The following DIAPH3 variants were observed in gnomAD, a reference collection of about 807,000 sequenced individuals.
DIAPH3 encodes protein diaphanous homolog 3.
In DIAPH3, 117 loss-of-function variants were observed where a neutral mutation model predicts 144.3. The ratio of observed to expected loss-of-function variants is 0.81; its 90% confidence interval spans 0.70 to 0.95. The LOEUF (loss-of-function observed/expected upper bound fraction) is 0.95, where lower values mean the gene tolerates loss of function less well. DIAPH3 is among the 40% of genes least tolerant of loss of function. The pLI is 0.00. For missense variants in DIAPH3, 1,421 were observed against 1,412.7 expected (o/e 1.01, Z -0.09); for synonymous variants, 519 against 488.9 (o/e 1.06, Z -0.81).
chr13:60,005,760 C>T (rs756932676), intron 9 of DIAPH3, among the ~76,000 whole-genome samples: 4 of 152,172 alleles, frequency 2.6e-5, no homozygotes, highest in Admixed American at 2.0e-4. Context: ...GGATTACAGG[C>T]ATGAGCCACC....
intron 27 of DIAPH3, among the ~76,000 whole-genome samples, chr13:59,760,185 G>C (rs1298332913): frequency 6.6e-6 from 1 of 152,142 alleles, no homozygotes; most frequent in Non-Finnish European, 1.5e-5. Context: ...ACTCTCATTT[G>C]AGAAGCTGCC....
intron 1 of DIAPH3, among the ~76,000 whole-genome samples, chr13:60,139,859 C>T (rs190104532): frequency 1.8e-3 from 274 of 152,242 alleles, no homozygotes; most frequent in Middle Eastern, 3.4e-3. Flanking sequence ...GATGCCTCTT[C>T]GTCTATTTCA....
At position 60,159,128 on chromosome 13, in the gene DIAPH3, G is replaced by A. The variant is rs538940834; in HGVS notation, c.180+4459C>T. On this transcript the variant is annotated intron_variant, in intron 1 of 27. Transcript: ENST00000400324. ...TCATCTGTACTCAAATTCCTACTAC[G>A]TGTACAATCAACAAAAATTCTCCAA... Among the ~76,000 whole-genome samples the A allele has an allele frequency of 6.6e-5, 10 of 152,024 alleles. No individual in the cohort carries two copies. The South Asian group carries it at 2.1e-3, about 32-fold the overall frequency.
chr13:60,017,275 T>C (rs2053715591), intron 5 of DIAPH3, among the ~76,000 whole-genome samples: 1 of 151,672 alleles, frequency 6.6e-6, no homozygotes, highest in Non-Finnish European at 1.5e-5. Context: ...TGGTGGTGCA[T>C]GCCTATAATC....
At chr13:60,073,170 G>A (rs948246014) in intron 4 of DIAPH3, among the ~76,000 whole-genome samples, 5 of 152,048 alleles carry the variant, frequency 3.3e-5, no homozygotes, top group South Asian at 2.1e-4. Context: ...TTAGCCGGGC[G>A]TGGTGGCAGG....
intron 25 of DIAPH3, 32 bp downstream of exon 25, chr13:59,810,756 A>G (rs757375065): frequency 2.5e-6 from 4 of 1,607,178 alleles, no homozygotes; most frequent in African/African-American, 2.7e-5. Context: ...TTAAGTATAC[A>G]TAGAATAAAT....
Position 59,723,859 on chromosome 13 carries a change from C to T in DIAPH3, c.3319+50330G>A, listed in dbSNP as rs531009810. Among the ~76,000 whole-genome samples, 13 of 150,748 alleles carry T rather than the reference C, an allele frequency of 8.6e-5. 1 individual carries two copies. The South Asian group carries it at 2.5e-3, about 29-fold the overall frequency. The stretch of plus-strand genomic sequence containing the variant: ...CGAACTCCTGACCTCGTGATCCGCC[C>T]GCCTCGGCCTCCCAAAGTGCTGGGA... On this transcript the variant is annotated intron_variant, in intron 27 of 27. Transcript: ENST00000400324.
At chr13:59,918,167 A>G (rs2047320835) in intron 18 of DIAPH3, among the ~76,000 whole-genome samples, 1 of 150,730 alleles carries the variant, frequency 6.6e-6, no homozygotes, top group South Asian at 2.1e-4. Flanking sequence ...AATGTTTTAC[A>G]TCACCCGTAT....
At chr13:59,716,412 T>C (rs1450078981) in intron 27 of DIAPH3, among the ~76,000 whole-genome samples, 1 of 152,166 alleles carries the variant, frequency 6.6e-6, no homozygotes, top group Admixed American at 6.5e-5. Flanking sequence ...CCTGATCTTG[T>C]GATCTGCCCG....
chr13:59,824,757 A>G (rs1193882852), intron 24 of DIAPH3, among the ~76,000 whole-genome samples: 1 of 152,194 alleles, frequency 6.6e-6, no homozygotes, highest in Non-Finnish European at 1.5e-5. Context: ...TTTGTGTGCA[A>G]TAATAATCTT....
chr13:59,934,811 T>A (rs966524843), intron 17 of DIAPH3, among the ~76,000 whole-genome samples: 17 of 152,106 alleles, frequency 1.1e-4, no homozygotes, highest in African/African-American at 4.1e-4. Context: ...CTCTGGGACA[T>A]GGAATTTGCA....
At chr13:59,749,139 G>A (rs899154878) in intron 27 of DIAPH3, among the ~76,000 whole-genome samples, 4 of 148,146 alleles carry the variant, frequency 2.7e-5, no homozygotes, top group Admixed American at 6.9e-5. Context: ...GCTTGTGCCC[G>A]GGAGGCAGAG....
At chr13:59,817,038 T>G in intron 24 of DIAPH3, among the ~76,000 whole-genome samples, 1 of 151,986 alleles carries the variant, frequency 6.6e-6, no homozygotes, top group Middle Eastern at 3.5e-3. Flanking sequence ...AATTTCATCC[T>G]TTTAATTTTA....
chr13:60,079,374 C>A (rs1395929454), intron 4 of DIAPH3, among the ~76,000 whole-genome samples: 2 of 151,828 alleles, frequency 1.3e-5, no homozygotes, highest in African/African-American at 4.8e-5. Context: ...ACTTTTTGTA[C>A]CCCTGTTTAT....
At chr13:59,950,381 C>T (rs1045072958) in intron 17 of DIAPH3, among the ~76,000 whole-genome samples, 1 of 152,124 alleles carries the variant, frequency 6.6e-6, no homozygotes. Flanking sequence ...CTCTTGACTT[C>T]CTCTCCTTAT....
At chr13:60,132,836 G>A in intron 2 of DIAPH3, 121 bp downstream of exon 2, 1 of 812,482 alleles carries the variant, frequency 1.2e-6, no homozygotes, top group Non-Finnish European at 2.1e-6. Context: ...AGCACTATAA[G>A]AATAGTACGT....
chr13:59,698,503 T>G (rs2033935641), intron 27 of DIAPH3, among the ~76,000 whole-genome samples: 1 of 152,160 alleles, frequency 6.6e-6, no homozygotes, highest in African/African-American at 2.4e-5. Flanking sequence ...ACACAACAGT[T>G]GCTGAAGCAA....
chr13:60,019,953 C>T (rs1017847346), intron 5 of DIAPH3, among the ~76,000 whole-genome samples: 4 of 151,498 alleles, frequency 2.6e-5, no homozygotes, highest in African/African-American at 9.8e-5. Flanking sequence ...CCCAGATGTG[C>T]TCGTAGAAAG....
chr13:60,116,447 C>T (rs79380612), intron 2 of DIAPH3, among the ~76,000 whole-genome samples: 234 of 152,076 alleles, frequency 1.5e-3, no homozygotes, highest in African/African-American at 5.1e-3. Flanking sequence ...AAAACAAAAA[C>T]TGAGAGAAAC....
Sources: allele counts gnomAD v4.1 joint callset (sites outside exome capture counted in the v4.1 genomes callset), GRCh38; gene constraint gnomAD v4.1.1; transcripts MANE v1.5; gene names NCBI Gene and HGNC (gene_info 2026-07-23, HGNC 2026-07-21).